The following MIPOL1 variants were observed in gnomAD, a reference collection of about 807,000 sequenced individuals.
The protein encoded by MIPOL1 is mirror-image polydactyly gene 1 protein.
In MIPOL1, 57 loss-of-function variants were observed where a neutral mutation model predicts 60.9. The observed-to-expected ratio is 0.94, with a 90% confidence interval of 0.76 to 1.17. MIPOL1 has a LOEUF of 1.17. Among genes scored for constraint, MIPOL1 ranks in the 50% most tolerant of loss-of-function variants. MIPOL1 has a pLI of 0.00. For synonymous variants in MIPOL1, 179 were observed against 168.8 expected, an observed-to-expected ratio of 1.06 and a Z score of -0.47; for missense variants, 551 against 511.6, an observed-to-expected ratio of 1.08 and a Z score of -0.74.
chr14:37,499,296 A>G (rs2095179248), intron 11 of MIPOL1, among the ~76,000 whole-genome samples: 1 of 152,294 alleles, frequency 6.6e-6, no homozygotes, highest in Middle Eastern at 3.4e-3. Context: ...TGTATGACTT[A>G]ATGAGTAGAT....
intron 11 of MIPOL1, among the ~76,000 whole-genome samples, chr14:37,449,966 C>A (rs540748795): frequency 1.3e-5 from 2 of 152,196 alleles, no homozygotes; most frequent in South Asian, 4.1e-4. Context: ...GTGTGCACCA[C>A]CACGCCTGGC....
At chr14:37,470,701 G>A (rs900088643) in intron 11 of MIPOL1, among the ~76,000 whole-genome samples, 1 of 152,012 alleles carries the variant, frequency 6.6e-6, no homozygotes, top group Non-Finnish European at 1.5e-5. Context: ...CCGTCAGCGT[G>A]GGTTGCAATC....
chr14:37,492,544 G>C (rs1021072267), intron 11 of MIPOL1, among the ~76,000 whole-genome samples: 1 of 152,076 alleles, frequency 6.6e-6, no homozygotes, highest in Admixed American at 6.6e-5. Flanking sequence ...GTATTCTTTG[G>C]CAGGTATTGT....
At chr14:37,348,554 T>TA (rs2091105733) in intron 9 of MIPOL1, among the ~76,000 whole-genome samples, 1 of 151,942 alleles carries the variant, frequency 6.6e-6, no homozygotes, top group Admixed American at 6.6e-5. Context: ...AAACTAGGAA[T>TA]AAAAAATAAT....
chr14:37,540,985 C>T (rs1422694055), intron 12 of MIPOL1, among the ~76,000 whole-genome samples: 2 of 152,286 alleles, frequency 1.3e-5, no homozygotes, highest in East Asian at 3.9e-4. Flanking sequence ...ATATGAGTTT[C>T]AGGCATCTCA....
intron 12 of MIPOL1, among the ~76,000 whole-genome samples, chr14:37,533,614 A>G (rs1392697090): frequency 6.6e-6 from 1 of 152,234 alleles, no homozygotes; most frequent in Non-Finnish European, 1.5e-5. Context: ...GAATAAGGCA[A>G]AAAGAGGGAC....
intron 1 of MIPOL1, among the ~76,000 whole-genome samples, chr14:37,227,315 C>T (rs1421848706): frequency 2.6e-5 from 4 of 152,144 alleles, no homozygotes; most frequent in Non-Finnish European, 5.9e-5. Flanking sequence ...TCAATTAACA[C>T]TGTATAGTCT....
At chr14:37,473,451 A>G (rs948068829) in intron 11 of MIPOL1, among the ~76,000 whole-genome samples, 2 of 152,022 alleles carry the variant, frequency 1.3e-5, no homozygotes, top group African/African-American at 2.4e-5. Context: ...ATTGCTGGCC[A>G]TGTTTGACTG....
chr14:37,480,244 C>T (rs1361038868), intron 11 of MIPOL1, among the ~76,000 whole-genome samples: 1 of 152,052 alleles, frequency 6.6e-6, no homozygotes, highest in African/African-American at 2.4e-5. Flanking sequence ...CAGACCAGGA[C>T]ATCACAAGAA....
chr14:37,518,315 A>T (rs1019827826), intron 12 of MIPOL1, among the ~76,000 whole-genome samples: 48 of 152,338 alleles, frequency 3.2e-4, no homozygotes, highest in African/African-American at 1.1e-3. Context: ...GTTAAATTTG[A>T]ATTAGAAATA....
At chr14:37,431,222 A>G (rs1451769981) in intron 11 of MIPOL1, among the ~76,000 whole-genome samples, 1 of 152,324 alleles carries the variant, frequency 6.6e-6, no homozygotes, top group South Asian at 2.1e-4. Context: ...CACTATTATT[A>G]TAGGTCCACA....
chr14:37,390,348 T>C (rs1396148677), intron 10 of MIPOL1, among the ~76,000 whole-genome samples: 1 of 152,098 alleles, frequency 6.6e-6, no homozygotes, highest in East Asian at 1.9e-4. Flanking sequence ...CAAGACTAAA[T>C]AATATCTGGA....
At chr14:37,442,284 G>T (rs1201535773) in intron 11 of MIPOL1, among the ~76,000 whole-genome samples, 2 of 151,740 alleles carry the variant, frequency 1.3e-5, no homozygotes, top group Non-Finnish European at 2.9e-5. Context: ...GAGTCTTTAG[G>T]GTATTTTAGG....
intron 12 of MIPOL1, among the ~76,000 whole-genome samples, chr14:37,537,806 A>G (rs935060689): frequency 6.6e-6 from 1 of 152,210 alleles, no homozygotes; most frequent in Non-Finnish European, 1.5e-5. Context: ...AAATTTAAAA[A>G]TAAAGTAAAT....
intron 12 of MIPOL1, among the ~76,000 whole-genome samples, chr14:37,541,416 C>CTT (rs2095529130): frequency 6.6e-6 from 1 of 152,148 alleles, no homozygotes; most frequent in Admixed American, 6.5e-5. Context: ...GTCATAAACT[C>CTT]TGAGTTACTT....
intron 10 of MIPOL1, among the ~76,000 whole-genome samples, chr14:37,414,845 G>A (rs981162893): frequency 7.2e-5 from 11 of 152,114 alleles, no homozygotes; most frequent in Admixed American, 1.3e-4. Context: ...CAGGCTAGTT[G>A]ACTGAGAATA....
chr14:37,422,306 C>G (rs1348482791), intron 10 of MIPOL1, among the ~76,000 whole-genome samples: 2 of 151,888 alleles, frequency 1.3e-5, no homozygotes, highest in Non-Finnish European at 2.9e-5. Flanking sequence ...ATTTGTTTTT[C>G]TCCCACAGAG....
At chr14:37,211,154 G>A (rs1386217208) in intron 1 of MIPOL1, among the ~76,000 whole-genome samples, 1 of 152,094 alleles carries the variant, frequency 6.6e-6, no homozygotes, top group Non-Finnish European at 1.5e-5. Flanking sequence ...AGGAGGCAGA[G>A]CAAGATGATG....
At chr14:37,309,832 G>T (rs1260287461) in intron 9 of MIPOL1, among the ~76,000 whole-genome samples, 2 of 151,856 alleles carry the variant, frequency 1.3e-5, no homozygotes, top group African/African-American at 4.8e-5. Context: ...GACTACAGGT[G>T]TGCGCCACCA....
Sources: gnomAD v4.1 joint callset for allele counts (sites outside exome capture counted in the v4.1 genomes callset) on GRCh38, gnomAD v4.1.1 for gene constraint, MANE v1.5 for transcripts, NCBI Gene and HGNC (gene_info 2026-07-23, HGNC 2026-07-21) for gene names.